Variants in FBXO22 observed in about 807,000 individuals in gnomAD.
FBXO22 encodes F-box only protein 22.
A neutral mutation model predicts 37.2 loss-of-function variants in FBXO22; 13 were observed. That is an observed-to-expected ratio of 0.35 (90% CI 0.23 to 0.56). The LOEUF (loss-of-function observed/expected upper bound fraction) is 0.56. Among genes scored for constraint, FBXO22 ranks in the 20% least tolerant of loss-of-function variants. The pLI is 0.87. For synonymous variants in FBXO22, 189 were observed against 189.1 expected (o/e 1.00, Z 0.00); for missense variants, 446 against 509.9 (o/e 0.87, Z 1.21).
chr15:75,927,504 A>C (rs1900469830), intron 5 of FBXO22, among the ~76,000 whole-genome samples: 1 of 152,158 alleles, frequency 6.6e-6, no homozygotes. Context: ...CTGGGGTAGT[A>C]GTCACTTCTC....
At chr15:75,912,619 C>T (rs1198222871) in intron 2 of FBXO22, among the ~76,000 whole-genome samples, 1 of 152,126 alleles carries the variant, frequency 6.6e-6, no homozygotes, top group East Asian at 1.9e-4. Context: ...GGTGATATCC[C>T]CTTTATCATT....
rs2030703091 is a variant in FBXO22, at chr15:75,939,355, C to G, written c.*6253C>G. 1.3e-5 allele frequency: 2 copies of G among 151,966 alleles called. No homozygotes were observed. The highest frequency in any genetic ancestry group is 4.8e-5 in the African/African-American group (2 of 41,300). 9.4% of individuals were successfully genotyped at this position (151,966 alleles called of 1,614,324 possible). ...AGTCCTAGAAATGCAAAACGTACTA[C>G]TGCTGAACTATGAAAAAAATTTAAA... On this transcript the variant is annotated 3_prime_UTR_variant, in exon 7 of 7. Transcript: ENST00000308275.
At chr15:75,921,970 C>G (rs909299669) in intron 5 of FBXO22, among the ~76,000 whole-genome samples, 1 of 151,864 alleles carries the variant, frequency 6.6e-6, no homozygotes, top group Non-Finnish European at 1.5e-5. Context: ...AAGGACCTGC[C>G]TGAGGCTGTT....
chr15:75,941,711 T>C lies in FBXO22; in HGVS notation c.*8609T>C, dbSNP rs1382992137. On this transcript the variant is annotated 3_prime_UTR_variant, in exon 7 of 7. Coordinates refer to ENST00000308275, the MANE Select transcript of FBXO22 (RefSeq NM_147188.3). ...GAGGTACCTAGACTAGTGAGATTCA[T>C]AGAGACAAAGTAGAACAAAGATTAC... is the stretch of plus-strand genomic sequence containing the variant. 2 of 152,118 alleles carry C rather than the reference T, an allele frequency of 1.3e-5. No homozygotes were observed. Among genetic ancestry groups the C allele is most frequent in the Admixed American group, 6.5e-5 (1 of 15,286 alleles). 9.4% of individuals were successfully genotyped at this position (152,118 alleles called of 1,614,324 possible).
intron 2 of FBXO22, among the ~76,000 whole-genome samples, chr15:75,907,898 C>T (rs1029972323): frequency 2.0e-5 from 3 of 151,866 alleles, no homozygotes; most frequent in Admixed American, 1.3e-4. Flanking sequence ...GCTGAGATTG[C>T]ACCACTTCAC....
At chr15:75,932,535 C>G (rs2030074574) in intron 6 of FBXO22, 150 bp from the exon 7 acceptor site, 1 of 635,374 alleles carries the variant, frequency 1.6e-6, no homozygotes, top group African/African-American at 1.9e-5. Flanking sequence ...GATTTTTGAC[C>G]CTATTTTACT....
intron 1 of FBXO22, 81 bp from the exon 2 acceptor site, chr15:75,904,410 C>A: frequency 6.3e-7 from 1 of 1,590,858 alleles, no homozygotes; most frequent in Non-Finnish European, 8.6e-7. Flanking sequence ...TGCTGCTGCG[C>A]CAGCGGGTGG....
At chr15:75,922,489 A>G (rs1202512751) in intron 5 of FBXO22, among the ~76,000 whole-genome samples, 3 of 152,234 alleles carry the variant, frequency 2.0e-5, no homozygotes, top group African/African-American at 4.8e-5. Context: ...TGGATGAGTA[A>G]TATCACTGGC....
In FBXO22 at chr15:75,941,651, C is replaced by T. The variant is rs2030967027; in HGVS notation, c.*8549C>T. ...TGAACCTTTCAGACATTAAGTAAAT[C>T]ACAAAAGGACAATACTATATGAATC... On this transcript the variant is annotated 3_prime_UTR_variant, in exon 7 of 7. Transcript: ENST00000308275. The T allele has an allele frequency of 1.3e-5, 2 of 152,126 alleles. No individual in the cohort carries two copies. The highest frequency in any genetic ancestry group is 4.1e-4 in the South Asian group (2 of 4,826). 9.4% of individuals were successfully genotyped at this position (152,126 alleles called of 1,614,324 possible).
At position 75,937,259 on chromosome 15, in the gene FBXO22, C is replaced by T. The variant is rs2030440177; in HGVS notation, c.*4157C>T. 1 of 150,758 alleles carries T rather than the reference C, an allele frequency of 6.6e-6. No individual in the cohort carries two copies. Among genetic ancestry groups the T allele is most frequent in the Non-Finnish European group, 1.5e-5 (1 of 67,766 alleles). 9.3% of individuals were successfully genotyped at this position (150,758 alleles called of 1,614,324 possible). On this transcript the variant is annotated 3_prime_UTR_variant, in exon 7 of 7. Transcript: ENST00000308275. ...GCGTGGTGGCTCACGCCTGTAATTC[C>T]AGCACTTTGGGAGGCCGAGATGGGC...
intron 2 of FBXO22, among the ~76,000 whole-genome samples, chr15:75,905,175 G>A (rs919993459): frequency 5.9e-5 from 9 of 152,190 alleles, no homozygotes; most frequent in Non-Finnish European, 1.3e-4. Context: ...ACGCTGTGCA[G>A]AACCTTCCCT....
At chr15:75,914,328 C>G (rs1900136182) in intron 4 of FBXO22, 123 bp downstream of exon 4, 1 of 665,664 alleles carries the variant, frequency 1.5e-6, no homozygotes, top group Non-Finnish European at 2.6e-6. Flanking sequence ...ACAATAAAGT[C>G]AGTCATATTT....
Position 75,938,479 on chromosome 15 carries a change from T to C in FBXO22, c.*5377T>C, listed in dbSNP as rs1467996044. 1 of 152,112 alleles carries C rather than the reference T, an allele frequency of 6.6e-6. No homozygotes were observed. Among genetic ancestry groups the C allele is most frequent in the African/African-American group, 2.4e-5 (1 of 41,412 alleles). The allele number at this position is 152,112 out of a possible 1,614,324, so 9.4% of individuals were successfully genotyped here. On this transcript the variant is annotated 3_prime_UTR_variant, in exon 7 of 7. Coordinates refer to ENST00000308275, the MANE Select transcript of FBXO22 (RefSeq NM_147188.3). Reference sequence around the variant, plus strand: ...CTAATGAAGGACATTAAACTAGACATATACTTTAACTCAAATATGCCCAAA... The same window carrying C: ...CTAATGAAGGACATTAAACTAGACACATACTTTAACTCAAATATGCCCAAA...
At chr15:75,905,231 G>T (rs1282144433) in intron 2 of FBXO22, among the ~76,000 whole-genome samples, 1 of 152,148 alleles carries the variant, frequency 6.6e-6, no homozygotes, top group East Asian at 1.9e-4. Context: ...GTTTTACCGG[G>T]AAGACAACTG....
At chr15:75,917,137 G>A (rs1900209029) in intron 4 of FBXO22, 93 bp from the exon 5 acceptor site, 1 of 862,884 alleles carries the variant, frequency 1.2e-6, no homozygotes, top group Non-Finnish European at 1.8e-6. Flanking sequence ...TCAGATAGTG[G>A]CTTGTTAGCT....
chr15:75,920,235 T>C (rs138410482), intron 5 of FBXO22, among the ~76,000 whole-genome samples: 1 of 152,322 alleles, frequency 6.6e-6, no homozygotes, highest in East Asian at 1.9e-4. Flanking sequence ...AACTAGGTCT[T>C]TTTCAGAGTT....
At chr15:75,926,559 ACAC>A (rs966670218) in intron 5 of FBXO22, among the ~76,000 whole-genome samples, 3 of 152,192 alleles carry the variant, frequency 2.0e-5, no homozygotes, top group African/African-American at 4.8e-5. Flanking sequence ...TGTTGAAAGA[ACAC>A]CACTGGAGAA....
chr15:75,913,997 C>G, intron 3 of FBXO22, 113 bp from the exon 4 acceptor site: 2 of 699,990 alleles, frequency 2.9e-6, no homozygotes, highest in Non-Finnish European at 4.8e-6. Flanking sequence ...TTATTTAGAG[C>G]ATTCTCGTGT....
At chr15:75,916,070 A>G (rs974551939) in intron 4 of FBXO22, among the ~76,000 whole-genome samples, 14 of 151,574 alleles carry the variant, frequency 9.2e-5, no homozygotes, top group Admixed American at 9.2e-4. Context: ...AAAAAAAAAA[A>G]AAAAAAAAAG....
Sources: allele counts gnomAD v4.1 joint callset (sites outside exome capture counted in the v4.1 genomes callset), GRCh38; gene constraint gnomAD v4.1.1; transcripts MANE v1.5; gene names NCBI Gene and HGNC (gene_info 2026-07-23, HGNC 2026-07-21).